Variants in AKAP7 observed in about 807,000 individuals in gnomAD.
AKAP7 encodes the protein A kinase (PRKA) anchor protein 7.
AKAP7 carries 39 observed loss-of-function variants against 39.5 expected under a neutral mutation model. That is an observed-to-expected ratio of 0.99 (90% CI 0.76 to 1.29). The LOEUF (loss-of-function observed/expected upper bound fraction) is 1.29. Among genes scored for constraint, AKAP7 ranks in the 50% most tolerant of loss-of-function variants. The probability of loss-of-function intolerance (pLI) is 0.00; values close to 1 mark genes in which losing one functional copy is unlikely to be tolerated. For missense variants in AKAP7, 414 were observed against 407.7 expected, an observed-to-expected ratio of 1.02 and a Z score of -0.13; for synonymous variants, 140 against 139.1, an observed-to-expected ratio of 1.01 and a Z score of -0.05.
chr6:131,281,572 G>A lies in AKAP7; in HGVS notation c.893G>A (p.Arg298Lys). 5 of 1,613,304 alleles carry A rather than the reference G, an allele frequency of 3.1e-6. No homozygotes were observed. Among genetic ancestry groups the A allele is most frequent in the Non-Finnish European group, 4.2e-6 (5 of 1,179,562 alleles). The change falls in exon 8 of 8, where the codon AGG becomes AAG. Residue 298 changes from arginine to lysine, a missense_variant. Physicochemically the swap from Arg to Lys is conservative, Grantham distance 26. Coordinates refer to ENST00000431975, the MANE Select transcript of AKAP7 (RefSeq NM_016377.4). The surrounding 1 kb of genome is among the most constrained non-coding windows in gnomAD (Gnocchi z 4.0). ...GGEPDDAELV[R>K]LSKRLVENAV... ...GAGCCCGATGACGCTGAACTAGTAA[G>A]GCTCAGTAAGAGGCTGGTGGAGAAC...
chr6:131,184,476 G>T, intron 5 of AKAP7: 2 of 667,858 alleles, frequency 3.0e-6, no homozygotes, highest in South Asian at 2.9e-5. Context: ...CAAAAGCCCA[G>T]CTGGTCATCA....
At chr6:131,232,432 A>C (rs759611489) in intron 7 of AKAP7, among the ~76,000 whole-genome samples, 10 of 152,198 alleles carry the variant, frequency 6.6e-5, no homozygotes, top group Non-Finnish European at 1.2e-4. Flanking sequence ...TGCCTAGTCC[A>C]TAACATTGCC....
At chr6:131,194,700 T>C (rs1228963209) in intron 5 of AKAP7, among the ~76,000 whole-genome samples, 1 of 152,154 alleles carries the variant, frequency 6.6e-6, no homozygotes, top group Non-Finnish European at 1.5e-5. Context: ...ATATTTCCTT[T>C]GTATATCTGG....
At chr6:131,133,366 A>C (rs758474165), upstream of AKAP7, among the ~76,000 whole-genome samples, 30 of 152,174 alleles carry the variant, frequency 2.0e-4, no homozygotes, top group Admixed American at 5.9e-4. Flanking sequence ...GTTTCTCGCT[A>C]GTCCTTGTGT....
intron 7 of AKAP7, among the ~76,000 whole-genome samples, chr6:131,232,833 G>A (rs949862732): frequency 3.3e-5 from 5 of 151,704 alleles, no homozygotes; most frequent in African/African-American, 1.2e-4. Flanking sequence ...ATCCATAGCA[G>A]TGCTAGTCAT....
chr6:131,250,198 GT>G, intron 7 of AKAP7: 9 of 1,003,056 alleles, frequency 9.0e-6, no homozygotes, highest in African/African-American at 1.7e-5. Context: ...GCTCATTGTG[GT>G]TTTTCTCGAC....
upstream of AKAP7, among the ~76,000 whole-genome samples, chr6:131,132,451 C>T (rs779468125): frequency 4.6e-5 from 7 of 152,236 alleles, no homozygotes; most frequent in East Asian, 5.8e-4. Flanking sequence ...TCCACACTTC[C>T]CTCTCCCTCC....
intron 6 of AKAP7, among the ~76,000 whole-genome samples, chr6:131,202,526 T>C (rs1190807): frequency 0.85 from 127,386 of 150,484 alleles, 54,186 homozygotes; most frequent in African/African-American, 0.92. Context: ...AACCAAACAC[T>C]GCAGGTTCTC....
chr6:131,138,309 G>A (rs912757747), intron 1 of AKAP7, among the ~76,000 whole-genome samples: 26 of 152,284 alleles, frequency 1.7e-4, no homozygotes, highest in African/African-American at 5.3e-4. Flanking sequence ...TCTTTTGTAT[G>A]GCTGAATAGT....
chr6:131,200,024 A>G (rs896301828), intron 6 of AKAP7: 2 of 185,670 alleles, frequency 1.1e-5, no homozygotes, highest in African/African-American at 4.8e-5. Context: ...CCAAAAGACC[A>G]TCTTTCAGCA....
chr6:131,175,489 AC>A (rs1303699916), intron 5 of AKAP7, among the ~76,000 whole-genome samples: 4 of 152,224 alleles, frequency 2.6e-5, no homozygotes, highest in Admixed American at 6.5e-5. Flanking sequence ...TACTCTTTGT[AC>A]TCATTACTAA....
chr6:131,195,319 A>G (rs902957191), intron 5 of AKAP7, among the ~76,000 whole-genome samples: 2 of 152,188 alleles, frequency 1.3e-5, no homozygotes, highest in African/African-American at 4.8e-5. Flanking sequence ...AACTAATAAA[A>G]ACTTTACACC....
At chr6:131,279,198 C>T (rs773871216) in intron 7 of AKAP7, among the ~76,000 whole-genome samples, 6 of 152,160 alleles carry the variant, frequency 3.9e-5, no homozygotes, top group Non-Finnish European at 5.9e-5. Flanking sequence ...GCTACAATCT[C>T]GTTTTGAGCT....
intron 6 of AKAP7, among the ~76,000 whole-genome samples, chr6:131,202,556 A>G (rs1301584143): frequency 4.0e-5 from 6 of 148,254 alleles, no homozygotes; most frequent in Non-Finnish European, 7.5e-5. Flanking sequence ...TGGGAATTGA[A>G]CAATGAGAAC....
intron 7 of AKAP7, among the ~76,000 whole-genome samples, chr6:131,256,206 G>A (rs1293946808): frequency 6.6e-6 from 1 of 152,214 alleles, no homozygotes; most frequent in Non-Finnish European, 1.5e-5. Flanking sequence ...ATTTCTGTGG[G>A]TAATATTGTG....
chr6:131,208,351 C>A (rs1808327582), intron 6 of AKAP7, among the ~76,000 whole-genome samples: 1 of 152,178 alleles, frequency 6.6e-6, no homozygotes, highest in South Asian at 2.1e-4. Context: ...CTTTGTATGT[C>A]TTTAAAAATT....
At chr6:131,257,840 A>G (rs1016251894) in intron 7 of AKAP7, among the ~76,000 whole-genome samples, 1 of 152,138 alleles carries the variant, frequency 6.6e-6, no homozygotes, top group Non-Finnish European at 1.5e-5. Flanking sequence ...CTTCTGCACT[A>G]CATGAAGCAG....
intron 7 of AKAP7, among the ~76,000 whole-genome samples, chr6:131,259,901 C>T (rs1326863490): frequency 6.6e-6 from 1 of 152,146 alleles, no homozygotes; most frequent in African/African-American, 2.4e-5. Context: ...ACCCATCACC[C>T]AGGTATTAAG....
At chr6:131,213,791 A>G (rs1467865415) in intron 6 of AKAP7, among the ~76,000 whole-genome samples, 1 of 152,204 alleles carries the variant, frequency 6.6e-6, no homozygotes, top group African/African-American at 2.4e-5. Context: ...GAGAAGAAAG[A>G]ATTGAGGTTG....
Sources: gnomAD v4.1 joint callset for allele counts (sites outside exome capture counted in the v4.1 genomes callset) on GRCh38, gnomAD v4.1.1 for gene constraint, Gnocchi (gnomAD v3.1) non-coding constraint, MANE v1.5 for transcripts, NCBI Gene and HGNC (gene_info 2026-07-23, HGNC 2026-07-21) for gene names.